Variants in PHOX2B observed in about 807,000 individuals in gnomAD.
The protein encoded by PHOX2B is paired like homeobox 2B.
Under a neutral mutation model 15.5 loss-of-function variants are expected in PHOX2B, and 1 was observed. The observed-to-expected ratio is 0.06, with a 90% CI of 0.02 to 0.31. The LOEUF (loss-of-function observed/expected upper bound fraction) is 0.31, where lower values mean the gene tolerates loss of function less well. Ranked by LOEUF, PHOX2B falls within the 10% of genes least tolerant of loss-of-function variation. The pLI is 1.00. For missense variants in PHOX2B, 314 were observed against 436.4 expected (o/e 0.72, Z 2.50); for synonymous variants, 206 against 190.5 (o/e 1.08, Z -0.67).
At position 41,744,324 on chromosome 4, in the gene PHOX2B, C is replaced by T. The variant is rs1055536457; in HGVS notation, c.*1483G>A. ...CAAAAATATATACCATTGTCTGAAC[C>T]GTGGCCTCTCTAAACACAAAAGATT... is the stretch of plus-strand genomic sequence containing the variant. On this transcript the variant is annotated 3_prime_UTR_variant, in exon 3 of 3. Transcript: ENST00000226382. The T allele has an allele frequency of 1.8e-5, 4 of 228,462 alleles. No homozygotes were observed. The Admixed American group carries it at 2.3e-4, about 13-fold the overall frequency. 14.2% of individuals were successfully genotyped at this position (228,462 alleles called of 1,614,324 possible). A position where few individuals can be genotyped will look rare whatever the true frequency, so the allele number is the denominator to read the frequency against.
Position 41,745,257 on chromosome 4 carries a change from CT to C in PHOX2B, c.*549del, listed in dbSNP as rs201654270. 8 of 233,248 alleles carry C rather than the reference CT, an allele frequency of 3.4e-5. No individual in the cohort carries two copies. Among genetic ancestry groups the C allele is most frequent in the Admixed American group, 1.1e-4 (2 of 17,770 alleles). 14.4% of individuals were successfully genotyped at this position (233,248 alleles called of 1,614,324 possible). A position where few individuals can be genotyped will look rare whatever the true frequency, so the allele number is the denominator to read the frequency against. Reference sequence around the variant, plus strand: ...TCCCCTAGCCCCTCCTTTAATTTGTCTTTTTTTTCCTTATGTTTTTTAAACC... The same window carrying C: ...TCCCCTAGCCCCTCCTTTAATTTGTCTTTTTTTCCTTATGTTTTTTAAACC... On this transcript the variant is annotated 3_prime_UTR_variant, in exon 3 of 3. Coordinates refer to ENST00000226382, the MANE Select transcript of PHOX2B (RefSeq NM_003924.4). The surrounding 1 kb of genome is among the most constrained non-coding windows in gnomAD (Gnocchi z 4.0).
chr4:41,748,126 A>G (rs1402726071), intron 1 of PHOX2B, among the ~76,000 whole-genome samples: 1 of 152,200 alleles, frequency 6.6e-6, no homozygotes, highest in Non-Finnish European at 1.5e-5. Flanking sequence ...TAAATAAATT[A>G]TGCCTATCAT....
In PHOX2B at chr4:41,747,612, A is replaced by G. The variant is rs191239994; in HGVS notation, c.242-76T>C. On this transcript the variant is annotated intron_variant, in intron 1 of 2. Coordinates refer to ENST00000226382, the MANE Select transcript of PHOX2B (RefSeq NM_003924.4). ...CCGGCCGTGGAGCTAGAATGTGAGG[A>G]CTCCAAGGTCAGGTCATACGGCAGC... 1,234 of 1,252,582 alleles carry G rather than the reference A, an allele frequency of 9.9e-4. 7 individuals are homozygous for G. Among genetic ancestry groups the G allele is most frequent in the Middle Eastern group, 5.9e-3 (32 of 5,424 alleles). 77.6% of individuals were successfully genotyped at this position (1,252,582 alleles called of 1,614,324 possible). A position where few individuals can be genotyped will look rare whatever the true frequency, so the allele number is the denominator to read the frequency against.
At chr4:41,747,072 T>C (rs549334722) in intron 2 of PHOX2B, among the ~76,000 whole-genome samples, 1 of 152,304 alleles carries the variant, frequency 6.6e-6, no homozygotes, top group African/African-American at 2.4e-5. Context: ...AGGCACTTCC[T>C]GTCCCCGAAA....
Position 41,745,054 on chromosome 4 carries a change from G to C in PHOX2B, c.*753C>G. 1 of 233,164 alleles carries C rather than the reference G, an allele frequency of 4.3e-6. No homozygotes were observed. The highest frequency in any genetic ancestry group is 8.5e-6 in the Non-Finnish European group (1 of 118,044). 14.4% of individuals were successfully genotyped at this position (233,164 alleles called of 1,614,324 possible). A position where few individuals can be genotyped will look rare whatever the true frequency, so the allele number is the denominator to read the frequency against. ...GTGCGAGAAAGTCACTCCGGCCGCCGGGACAGTCTGAGCAAGTCGTCGCCG... is the reference window on the plus strand; with the variant it reads ...GTGCGAGAAAGTCACTCCGGCCGCCCGGACAGTCTGAGCAAGTCGTCGCCG... On this transcript the variant is annotated 3_prime_UTR_variant, in exon 3 of 3. Transcript: ENST00000226382. This position sits in a 1 kb window ranked among gnomAD's most constrained non-coding sequence, Gnocchi z 4.0.
In PHOX2B at chr4:41,745,590, G is replaced by T; in HGVS notation, c.*217C>A. ...GGTGCGAAGCCAGGGAAGTTTGTTT[G>T]TTTTGTTTGGGGGTTGAGGAAGGGG... On this transcript the variant is annotated 3_prime_UTR_variant, in exon 3 of 3. Coordinates refer to ENST00000226382, the MANE Select transcript of PHOX2B (RefSeq NM_003924.4). The surrounding 1 kb of genome is among the most constrained non-coding windows in gnomAD (Gnocchi z 4.0). 1 of 552,418 alleles carries T rather than the reference G, an allele frequency of 1.8e-6. No individual in the cohort carries two copies. Among genetic ancestry groups the T allele is most frequent in the Non-Finnish European group, 3.0e-6 (1 of 330,554 alleles). 34.2% of individuals were successfully genotyped at this position (552,418 alleles called of 1,614,324 possible).
At chr4:41,747,639 G>A in intron 1 of PHOX2B, 103 bp from the exon 2 acceptor site, 1 of 935,066 alleles carries the variant, frequency 1.1e-6, no homozygotes, top group East Asian at 2.4e-5. Context: ...TACGGCAGCC[G>A]CTACCTACAC....
In PHOX2B at chr4:41,747,433, C is replaced by T. The variant is rs747055965; in HGVS notation, c.345G>A (p.Arg115=). ...CGGGGTAGTGAGTCTCCGCGAAGAC[C>T]CTTTCCAGCTCTTTGAGCTGGGCAC... ...FTSAQLKELE[R]VFAETHYPDI... The change falls in exon 2 of 3, where the codon AGG becomes AGA. Residue 115 remains arginine, a synonymous_variant. Transcript: ENST00000226382. 16 of 1,610,588 alleles carry T rather than the reference C, an allele frequency of 9.9e-6. No homozygotes were observed. The highest frequency in any genetic ancestry group is 1.6e-4 in the Middle Eastern group (1 of 6,076).
rs1733845102 is a variant in PHOX2B, at chr4:41,745,198, A to C, written c.*609T>G. 1 of 233,314 alleles carries C rather than the reference A, an allele frequency of 4.3e-6. No individual in the cohort carries two copies. Among genetic ancestry groups the C allele is most frequent in the South Asian group, 1.8e-4 (1 of 5,538 alleles). 14.5% of individuals were successfully genotyped at this position (233,314 alleles called of 1,614,324 possible). On this transcript the variant is annotated 3_prime_UTR_variant, in exon 3 of 3. Coordinates refer to ENST00000226382, the MANE Select transcript of PHOX2B (RefSeq NM_003924.4). This position sits in a 1 kb window ranked among gnomAD's most constrained non-coding sequence, Gnocchi z 4.0. The stretch of plus-strand genomic sequence containing the variant: ...TAGGAGGGAGCGGATTTAGGGGTTC[A>C]CAAGATCGAGCCTTCAGCTCCAGCT...
chr4:41,747,179 A>G (rs1310072937), intron 2 of PHOX2B, among the ~76,000 whole-genome samples, 170 bp downstream of exon 2: 1 of 152,102 alleles, frequency 6.6e-6, no homozygotes, highest in Non-Finnish European at 1.5e-5. Flanking sequence ...GTGCGCTCTA[A>G]GCCTCTCTCG....
rs765027210 is a variant in PHOX2B, at chr4:41,746,269, T to G, written c.483A>C (p.Ala161=). 2 of 1,613,824 alleles carry G rather than the reference T, an allele frequency of 1.2e-6. No individual in the cohort carries two copies. The highest frequency in any genetic ancestry group is 2.2e-5 in the East Asian group (1 of 44,860). The change falls in exon 3 of 3, where the codon GCA becomes GCC. Residue 161 remains alanine (A), a synonymous_variant. Coordinates refer to ENST00000226382, the MANE Select transcript of PHOX2B (RefSeq NM_003924.4). The stretch of plus-strand genomic sequence containing the variant: ...CGTTCTTGGCCGCGGCCGCTGCGGC[T>G]GCCGCTGCGCGCTCCTGCTTGCGAA... ...AKFRKQERAA[A]AAAAAAKNGS...
chr4:41,746,993 T>G (rs1733920762), intron 2 of PHOX2B, among the ~76,000 whole-genome samples: 3 of 152,040 alleles, frequency 2.0e-5, no homozygotes, highest in Admixed American at 2.0e-4. Flanking sequence ...GGAGGCATTT[T>G]TTTGGGGGGC....
rs780967053 is a variant in PHOX2B, at chr4:41,746,342, G to C, written c.430-20C>G. The C allele has an allele frequency of 1.7e-5, 28 of 1,613,072 alleles. No homozygotes were observed. The highest frequency in any genetic ancestry group is 2.3e-5 in the Non-Finnish European group (27 of 1,179,596). On this transcript the variant is annotated intron_variant, in intron 2 of 2. Transcript: ENST00000226382. ...CCACACCTGGCCCAAGACGGAAGGA[G>C]AGACGGTGAAGCAGGGGGAGAAAGA... is the stretch of plus-strand genomic sequence containing the variant.
rs1733915696 is a variant in PHOX2B at position 41,746,834 on chromosome 4, C to A, written c.430-512G>T. Among the ~76,000 whole-genome samples the A allele has an allele frequency of 2.0e-5, 3 of 152,362 alleles. No individual in the cohort carries two copies. In the East Asian group the frequency reaches 5.8e-4, roughly 29 times the overall value. Reference sequence around the variant, plus strand: ...ACCCAGAGAGGCGCTGTGGCCAACTCGTGAGCGCACCTGTGTTTAACAGGT... The same window carrying A: ...ACCCAGAGAGGCGCTGTGGCCAACTAGTGAGCGCACCTGTGTTTAACAGGT... On this transcript the variant is annotated intron_variant, in intron 2 of 2. Coordinates refer to ENST00000226382, the MANE Select transcript of PHOX2B (RefSeq NM_003924.4).
Position 41,744,463 on chromosome 4 carries a change from A to G in PHOX2B, c.*1344T>C, listed in dbSNP as rs544504353. On this transcript the variant is annotated 3_prime_UTR_variant, in exon 3 of 3. Coordinates refer to ENST00000226382, the MANE Select transcript of PHOX2B (RefSeq NM_003924.4). ...GTCTGCACTGATATTAACACGATACAATTGAGTCACAGAACACAGTTGTAG... is the reference window on the plus strand; with the variant it reads ...GTCTGCACTGATATTAACACGATACGATTGAGTCACAGAACACAGTTGTAG... The G allele has an allele frequency of 8.6e-6, 2 of 232,736 alleles. No individual in the cohort carries two copies. The highest frequency in any genetic ancestry group is 1.1e-4 in the Admixed American group (2 of 17,764). 14.4% of individuals were successfully genotyped at this position (232,736 alleles called of 1,614,324 possible).
Position 41,745,948 on chromosome 4 carries a change from G to C in PHOX2B, c.804C>G (p.Gly268=). ...AAAGGLAAAG[G]PGQGWAPGPG... is the part of the protein sequence containing the mutation. Reference sequence around the variant, plus strand: ...GGCCGGGAGCCCAGCCTTGTCCAGGGCCCCCAGCCGCAGCCAGGCCTCCAG... The same window carrying C: ...GGCCGGGAGCCCAGCCTTGTCCAGGCCCCCCAGCCGCAGCCAGGCCTCCAG... Residue 268 remains glycine (G), a synonymous_variant, in exon 3 of 3, where the codon GGC becomes GGG. Transcript: ENST00000226382. The surrounding 1 kb of genome is among the most constrained non-coding windows in gnomAD (Gnocchi z 4.0). The C allele has an allele frequency of 6.8e-7, 1 of 1,473,160 alleles. No individual in the cohort carries two copies. The allele number at this position is 1,473,160 out of a possible 1,614,324, so 91.3% of individuals were successfully genotyped here.
At position 41,748,555 on chromosome 4, in the gene PHOX2B, G is replaced by C. The variant is rs1353983410; in HGVS notation, c.56C>G (p.Ala19Gly). 4 of 1,613,762 alleles carry C rather than the reference G, an allele frequency of 2.5e-6. No individual in the cohort carries two copies. Among genetic ancestry groups the C allele is most frequent in the East Asian group, 2.2e-5 (1 of 44,884 alleles). Residue 19 changes from alanine to glycine, a missense_variant, in exon 1 of 3, where the codon GCT becomes GGT. Physicochemically the swap from Ala to Gly is moderately conservative, Grantham distance 60 (BLOSUM62 0). This residue lies in a region of PHOX2B where 102 missense variants were observed against 155.1 expected (regional missense o/e 0.66). Transcript: ENST00000226382. ...LNSSAYESCM[A>G]GMDTSSLASA... The stretch of plus-strand genomic sequence containing the variant: ...AGCCAGGCTCGAGGTGTCCATCCCA[G>C]CCATACAGGACTCGTAGGCAGAGGA...
Position 41,744,959 on chromosome 4 carries a change from G to C in PHOX2B, c.*848C>G, listed in dbSNP as rs1485650351. Reference sequence around the variant, plus strand: ...CGGCTGCAAAGATTCGGGGTTGGGAGTTGCAACTGTGTGGGGTTCCGATGC... The same window carrying C: ...CGGCTGCAAAGATTCGGGGTTGGGACTTGCAACTGTGTGGGGTTCCGATGC... On this transcript the variant is annotated 3_prime_UTR_variant, in exon 3 of 3. Coordinates refer to ENST00000226382, the MANE Select transcript of PHOX2B (RefSeq NM_003924.4). 4.3e-6 allele frequency: 1 copy of C among 233,238 alleles called. No homozygotes were observed. The highest frequency in any genetic ancestry group is 2.2e-5 in the African/African-American group (1 of 45,356). The allele number at this position is 233,238 out of a possible 1,614,324, so 14.4% of individuals were successfully genotyped here.
Position 41,745,123 on chromosome 4 carries a change from C to T in PHOX2B, c.*684G>A. On this transcript the variant is annotated 3_prime_UTR_variant, in exon 3 of 3. Coordinates refer to ENST00000226382, the MANE Select transcript of PHOX2B (RefSeq NM_003924.4). The surrounding 1 kb of genome is among the most constrained non-coding windows in gnomAD (Gnocchi z 4.0). ...GACACGATAGGAAGGGGGGCTGGAA[C>T]GGCGTCCCTACTCTTCCCTGAAGAA... The T allele has an allele frequency of 4.4e-6, 1 of 227,828 alleles. No homozygotes were observed. 14.1% of individuals were successfully genotyped at this position (227,828 alleles called of 1,614,324 possible). A position where few individuals can be genotyped will look rare whatever the true frequency, so the allele number is the denominator to read the frequency against.
Sources: allele counts gnomAD v4.1 joint callset (sites outside exome capture counted in the v4.1 genomes callset), GRCh38; gene constraint gnomAD v4.1.1; regional missense constraint gnomAD v4.1.1; non-coding constraint Gnocchi (gnomAD v3.1); transcripts MANE v1.5; gene names NCBI Gene and HGNC (gene_info 2026-07-23, HGNC 2026-07-21).